The following NKAIN3 variants were observed in gnomAD, a reference collection of about 807,000 sequenced individuals.
NKAIN3 encodes the protein sodium/potassium transporting ATPase interacting 3.
A neutral mutation model predicts 30.2 loss-of-function variants in NKAIN3; 25 were observed. That is an observed-to-expected ratio of 0.83 (90% CI 0.60 to 1.16). The LOEUF (loss-of-function observed/expected upper bound fraction) is 1.16, where lower values mean the gene tolerates loss of function less well. Ranked by LOEUF, NKAIN3 falls within the 50% of genes most tolerant of loss-of-function variation. The pLI is 0.00. For synonymous variants in NKAIN3, 91 were observed against 89.6 expected, an observed-to-expected ratio of 1.02 and a Z score of -0.09; for missense variants, 225 against 254.1, an observed-to-expected ratio of 0.89 and a Z score of 0.78.
intron 1 of NKAIN3, among the ~76,000 whole-genome samples, chr8:62,328,473 GT>G (rs537114355): frequency 6.6e-6 from 1 of 151,740 alleles, no homozygotes; most frequent in Non-Finnish European, 1.5e-5. Flanking sequence ...TGTTTGGTTA[GT>G]TTTTTTTCTA....
At chr8:62,855,891 G>A (rs769528666) in intron 4 of NKAIN3, 10 of 767,110 alleles carry the variant, frequency 1.3e-5, no homozygotes, top group Admixed American at 1.0e-4. Context: ...AAAATAAAGA[G>A]AGATGTTCCT....
intron 1 of NKAIN3, among the ~76,000 whole-genome samples, chr8:62,336,084 G>A (rs1815542401): frequency 6.6e-6 from 1 of 152,030 alleles, no homozygotes; most frequent in Non-Finnish European, 1.5e-5. Context: ...AAACCATATT[G>A]TACAAGTAGC....
At chr8:62,590,140 C>T (rs774296537) in intron 3 of NKAIN3, among the ~76,000 whole-genome samples, 2 of 151,664 alleles carry the variant, frequency 1.3e-5, no homozygotes, top group African/African-American at 2.4e-5. Flanking sequence ...TGGTTTTGAA[C>T]ATGCTTGTGT....
intron 4 of NKAIN3, among the ~76,000 whole-genome samples, chr8:62,751,588 A>G (rs1816284894): frequency 2.0e-5 from 3 of 151,998 alleles, no homozygotes; most frequent in Non-Finnish European, 1.5e-5. Flanking sequence ...TTTTGTAACT[A>G]TTTCCTTATC....
intron 4 of NKAIN3, among the ~76,000 whole-genome samples, chr8:62,915,050 T>C (rs999342911): frequency 6.6e-6 from 1 of 152,122 alleles, no homozygotes; most frequent in Non-Finnish European, 1.5e-5. Context: ...ATGAGATGTT[T>C]GGTTTTCTGT....
At chr8:62,423,814 C>A (rs1356883891) in intron 1 of NKAIN3, among the ~76,000 whole-genome samples, 3 of 151,952 alleles carry the variant, frequency 2.0e-5, no homozygotes, top group African/African-American at 7.2e-5. Flanking sequence ...ATGACTAATT[C>A]TAACATATCT....
downstream of NKAIN3, among the ~76,000 whole-genome samples, chr8:62,985,074 T>C (rs1313296152): frequency 6.6e-6 from 1 of 152,172 alleles, no homozygotes; most frequent in East Asian, 1.9e-4. Flanking sequence ...GGAAACCTGG[T>C]CCCTCCCCTA....
At chr8:62,499,097 G>A (rs1445263830) in intron 1 of NKAIN3, among the ~76,000 whole-genome samples, 1 of 152,122 alleles carries the variant, frequency 6.6e-6, no homozygotes, top group Non-Finnish European at 1.5e-5. Flanking sequence ...TTCGATAGTA[G>A]TTGTCAGATT....
chr8:62,759,206 C>T lies in NKAIN3; in HGVS notation c.471+12077C>T, dbSNP rs116042441. On this transcript the variant is annotated intron_variant, in intron 4 of 6. Coordinates refer to ENST00000623646, the MANE Select transcript of NKAIN3 (RefSeq NM_001304533.3). ...AAAACTTATTTAATATGATACCTTA[C>T]TAATTTAATTACATAGAACCTTCAT... is the stretch of plus-strand genomic sequence containing the variant. 3.6e-3 allele frequency among the ~76,000 whole-genome samples: 554 copies of T among 152,096 alleles called. 5 individuals are homozygous for T. The highest frequency in any genetic ancestry group is 0.013 in the African/African-American group (526 of 41,500).
rs186211526 is a variant in NKAIN3, at chr8:62,767,799, G to C, written c.471+20670G>C. 6.1e-3 allele frequency among the ~76,000 whole-genome samples: 920 copies of C among 151,940 alleles called. 3 individuals are homozygous for C. The highest frequency in any genetic ancestry group is 0.011 in the Non-Finnish European group (718 of 67,992). On this transcript the variant is annotated intron_variant, in intron 4 of 6. Coordinates refer to ENST00000623646, the MANE Select transcript of NKAIN3 (RefSeq NM_001304533.3). The stretch of plus-strand genomic sequence containing the variant: ...GCTATAGAGAGAAGGCATGTGGCAG[G>C]TCCAAATGAGAGTGCTTTAAGTATA...
At position 62,393,215 on chromosome 8, in the gene NKAIN3, T is replaced by C. The variant is rs569583791; in HGVS notation, c.54+144088T>C. Among the ~76,000 whole-genome samples the C allele has an allele frequency of 2.1e-4, 32 of 152,248 alleles. No individual in the cohort carries two copies. The Middle Eastern group carries it at 0.014, about 65-fold the overall frequency. On this transcript the variant is annotated intron_variant, in intron 1 of 6. Transcript: ENST00000623646. ...GATAAAGATTTCTCCCAGATTTTCT[T>C]CTAAAAGCTTTATAGTTTTACCTCT...
intron 1 of NKAIN3, among the ~76,000 whole-genome samples, chr8:62,382,632 C>G (rs1051770091): frequency 2.6e-5 from 4 of 151,980 alleles, no homozygotes; most frequent in Admixed American, 1.3e-4. Context: ...TTATTGGAAC[C>G]CTTCTTCCAA....
chr8:62,502,620 T>C (rs1221990091), intron 1 of NKAIN3, among the ~76,000 whole-genome samples: 1 of 152,126 alleles, frequency 6.6e-6, no homozygotes, highest in Non-Finnish European at 1.5e-5. Flanking sequence ...GTAGAATTCT[T>C]GGTATTCTCT....
chr8:62,762,653 G>A (rs1195264765), intron 4 of NKAIN3, among the ~76,000 whole-genome samples: 2 of 152,154 alleles, frequency 1.3e-5, no homozygotes, highest in African/African-American at 4.8e-5. Context: ...ATGGTAGATT[G>A]GCTTTGGTGG....
intron 4 of NKAIN3, among the ~76,000 whole-genome samples, chr8:62,806,863 A>G (rs1818305758): frequency 6.6e-6 from 1 of 151,966 alleles, no homozygotes. Context: ...ATATCACCAG[A>G]GAGATGTCTT....
chr8:62,302,537 T>TCA (rs1463803007), intron 1 of NKAIN3, among the ~76,000 whole-genome samples: 1 of 152,120 alleles, frequency 6.6e-6, no homozygotes, highest in African/African-American at 2.4e-5. Context: ...TTATACTTTG[T>TCA]TATAGTCACA....
At chr8:62,766,926 G>A (rs1483440785) in intron 4 of NKAIN3, among the ~76,000 whole-genome samples, 1 of 138,866 alleles carries the variant, frequency 7.2e-6, no homozygotes, top group Non-Finnish European at 1.5e-5. Flanking sequence ...CGACCCCGGC[G>A]AGCATCACAG....
intron 1 of NKAIN3, among the ~76,000 whole-genome samples, chr8:62,262,825 A>G (rs1166882610): frequency 1.3e-5 from 2 of 152,154 alleles, no homozygotes; most frequent in Non-Finnish European, 2.9e-5. Flanking sequence ...TATTATTAAT[A>G]TGTTTGTTTG....
At chr8:62,430,734 G>A (rs1200495689) in intron 1 of NKAIN3, among the ~76,000 whole-genome samples, 2 of 151,826 alleles carry the variant, frequency 1.3e-5, no homozygotes, top group African/African-American at 4.8e-5. Context: ...AATGGGTTAT[G>A]AAAATCAACC....
Sources: allele counts gnomAD v4.1 joint callset (sites outside exome capture counted in the v4.1 genomes callset), GRCh38; gene constraint gnomAD v4.1.1; transcripts MANE v1.5; gene names NCBI Gene and HGNC (gene_info 2026-07-23, HGNC 2026-07-21).